Variants in MKLN1 observed in about 807,000 individuals in gnomAD.
MKLN1 encodes muskelin.
Under a neutral mutation model 99.0 loss-of-function variants are expected in MKLN1, and 18 were observed. The ratio of observed to expected loss-of-function variants is 0.18; its 90% confidence interval spans 0.13 to 0.27. MKLN1 has a LOEUF of 0.27. MKLN1 is among the 10% of genes least tolerant of loss of function. The probability of loss-of-function intolerance (pLI) is 1.00; values close to 1 mark genes in which losing one functional copy is unlikely to be tolerated. For missense variants in MKLN1, 621 were observed against 875.9 expected, an observed-to-expected ratio of 0.71 and a Z score of 3.67; for synonymous variants, 288 against 293.2, an observed-to-expected ratio of 0.98 and a Z score of 0.18.
intron 1 of MKLN1, among the ~76,000 whole-genome samples, chr7:131,333,655 G>T (rs1418586790): frequency 6.6e-6 from 1 of 152,012 alleles, no homozygotes; most frequent in Non-Finnish European, 1.5e-5. Context: ...TCCTACCTCA[G>T]CCTCCCAAGT....
chr7:131,138,193 A>G (rs1795680413), intron 1 of MKLN1, among the ~76,000 whole-genome samples: 1 of 151,722 alleles, frequency 6.6e-6, no homozygotes, highest in Admixed American at 6.6e-5. Context: ...TGCCTCCCAA[A>G]GTGCTGGGAT....
chr7:131,481,772 C>T, intron 17 of MKLN1, among the ~76,000 whole-genome samples: 2 of 146,968 alleles, frequency 1.4e-5, no homozygotes, highest in Admixed American at 6.9e-5. Flanking sequence ...ATTTACTGTA[C>T]CTTTCATTGT....
chr7:131,190,771 T>C (rs761766694), intron 2 of MKLN1, among the ~76,000 whole-genome samples: 4 of 152,086 alleles, frequency 2.6e-5, no homozygotes, highest in Non-Finnish European at 4.4e-5. Flanking sequence ...TCATCCAAAA[T>C]AGAGATAGCT....
chr7:131,484,999 A>C (rs1343155653), intron 17 of MKLN1, among the ~76,000 whole-genome samples: 1 of 152,158 alleles, frequency 6.6e-6, no homozygotes, highest in Non-Finnish European at 1.5e-5. Context: ...TATGATAGGC[A>C]TATATGCATA....
intron 3 of MKLN1, among the ~76,000 whole-genome samples, chr7:131,211,556 C>T (rs983641654): frequency 6.6e-5 from 10 of 151,550 alleles, no homozygotes; most frequent in African/African-American, 1.2e-4. Flanking sequence ...TTTGCCCCTA[C>T]GCTTTTCACT....
intron 3 of MKLN1, among the ~76,000 whole-genome samples, chr7:131,311,823 T>C (rs949758768): frequency 8.6e-6 from 1 of 116,314 alleles, no homozygotes; most frequent in Non-Finnish European, 2.1e-5. Flanking sequence ...AGAATCTCTC[T>C]TTCCCATTTT....
intron 1 of MKLN1, among the ~76,000 whole-genome samples, chr7:131,333,909 TTCTA>T (rs1461433322): frequency 1.3e-5 from 2 of 152,210 alleles, no homozygotes; most frequent in African/African-American, 4.8e-5. Flanking sequence ...TTTATTTTCC[TTCTA>T]TCTGTGTAGA....
chr7:131,456,891 T>C (rs1340654557), intron 12 of MKLN1, among the ~76,000 whole-genome samples: 1 of 152,048 alleles, frequency 6.6e-6, no homozygotes, highest in African/African-American at 2.4e-5. Flanking sequence ...AAACATTACC[T>C]TGCATACTGA....
At chr7:131,473,103 T>C (rs1227454638) in intron 16 of MKLN1, among the ~76,000 whole-genome samples, 1 of 152,226 alleles carries the variant, frequency 6.6e-6, no homozygotes, top group African/African-American at 2.4e-5. Flanking sequence ...TGAACATATT[T>C]AACTTTTAAA....
At chr7:131,396,566 T>A (rs868181942) in intron 4 of MKLN1, among the ~76,000 whole-genome samples, 1 of 152,188 alleles carries the variant, frequency 6.6e-6, no homozygotes, top group South Asian at 2.1e-4. Context: ...ATTTTTAAGG[T>A]TTTTGATGCT....
chr7:131,214,714 A>C (rs1430310871), intron 3 of MKLN1, among the ~76,000 whole-genome samples: 1 of 152,196 alleles, frequency 6.6e-6, no homozygotes, highest in Non-Finnish European at 1.5e-5. Flanking sequence ...TTCGTTTTCT[A>C]CATGGACTTT....
intron 12 of MKLN1, among the ~76,000 whole-genome samples, chr7:131,457,337 G>T (rs533165846): frequency 6.6e-6 from 1 of 151,444 alleles, no homozygotes; most frequent in Non-Finnish European, 1.5e-5. Context: ...ACTTAAAGAT[G>T]TAAGAGAACA....
intron 16 of MKLN1, among the ~76,000 whole-genome samples, chr7:131,473,346 CACAA>C (rs1796878882): frequency 6.6e-6 from 1 of 151,982 alleles, no homozygotes; most frequent in Admixed American, 6.6e-5. Flanking sequence ...AGTCTCAAAA[CACAA>C]AAAGTGTTTT....
At chr7:131,420,683 C>T (rs1391132388) in intron 8 of MKLN1, among the ~76,000 whole-genome samples, 1 of 152,094 alleles carries the variant, frequency 6.6e-6, no homozygotes, top group Non-Finnish European at 1.5e-5. Flanking sequence ...CAATAATTTC[C>T]ACATTGTTTT....
intron 1 of MKLN1, among the ~76,000 whole-genome samples, chr7:131,135,567 A>T (rs1795637538): frequency 6.6e-6 from 1 of 152,224 alleles, no homozygotes; most frequent in Non-Finnish European, 1.5e-5. Context: ...AGCCAAAGAG[A>T]CTGCGAGGGA....
chr7:131,450,783 G>T (rs1222094863), intron 12 of MKLN1, among the ~76,000 whole-genome samples: 1 of 152,106 alleles, frequency 6.6e-6, no homozygotes, highest in Non-Finnish European at 1.5e-5. Flanking sequence ...ATTCTCTAAT[G>T]CCTTAAGCCC....
chr7:131,367,689 C>G (rs433864), intron 1 of MKLN1, among the ~76,000 whole-genome samples: 1 of 152,134 alleles, frequency 6.6e-6, no homozygotes, highest in Non-Finnish European at 1.5e-5. Flanking sequence ...CCTGGTATCT[C>G]TGTTCTCTGT....
intron 12 of MKLN1, among the ~76,000 whole-genome samples, chr7:131,448,855 T>A (rs1796095697): frequency 6.6e-6 from 1 of 152,220 alleles, no homozygotes; most frequent in South Asian, 2.1e-4. Flanking sequence ...TCTACTAGCA[T>A]CTAAGTTTGT....
chr7:131,179,637 C>T (rs796998022), intron 2 of MKLN1, among the ~76,000 whole-genome samples: 2 of 151,830 alleles, frequency 1.3e-5, no homozygotes, highest in East Asian at 1.9e-4. Flanking sequence ...TGCAGTGGTG[C>T]GATCTCGGCT....
Sources: gnomAD v4.1 joint callset for allele counts (sites outside exome capture counted in the v4.1 genomes callset) on GRCh38, gnomAD v4.1.1 for gene constraint, MANE v1.5 for transcripts, NCBI Gene and HGNC (gene_info 2026-07-23, HGNC 2026-07-21) for gene names.